TPH2: variants seen among roughly 807,000 people sequenced by gnomAD.
TPH2 encodes the protein tryptophan hydroxylase 2.
In TPH2, 27 loss-of-function variants were observed where a neutral mutation model predicts 59.1. That is an observed-to-expected ratio of 0.46 (90% CI 0.34 to 0.63). The LOEUF (loss-of-function observed/expected upper bound fraction) is 0.63. Ranked by LOEUF, TPH2 falls within the 30% of genes least tolerant of loss-of-function variation. The pLI, the probability that TPH2 is intolerant of heterozygous loss-of-function variation, is 0.01. For synonymous variants in TPH2, 220 were observed against 210.5 expected, an observed-to-expected ratio of 1.05 and a Z score of -0.39; for missense variants, 523 against 588.3, an observed-to-expected ratio of 0.89 and a Z score of 1.15.
At chr12:71,976,905 A>T (rs1592394970) in intron 6 of TPH2, among the ~76,000 whole-genome samples, 1 of 152,332 alleles carries the variant, frequency 6.6e-6, no homozygotes, top group East Asian at 1.9e-4. Context: ...GCATTATCTC[A>T]TATGTGGAAT....
chr12:71,966,616 G>C (rs1871825897), intron 5 of TPH2, among the ~76,000 whole-genome samples: 1 of 152,158 alleles, frequency 6.6e-6, no homozygotes, highest in Non-Finnish European at 1.5e-5. Flanking sequence ...TAGTAAATGA[G>C]TTCATTCTTA....
intron 2 of TPH2, among the ~76,000 whole-genome samples, chr12:71,942,980 G>A (rs1871113611): frequency 6.6e-6 from 1 of 152,126 alleles, no homozygotes; most frequent in Non-Finnish European, 1.5e-5. Context: ...CCATCAGCTA[G>A]TCACGGGGCC....
Position 71,944,598 on chromosome 12 carries a change from T to C in TPH2, c.452T>C (p.Val151Ala). The C allele has an allele frequency of 6.2e-7, 1 of 1,613,992 alleles. No individual in the cohort carries two copies. Among genetic ancestry groups the C allele is most frequent in the Non-Finnish European group, 8.5e-7 (1 of 1,179,862 alleles). The change falls in exon 4 of 11, where the codon GTG (valine) becomes GCG (alanine). Residue 151 changes from valine (V) to alanine (A), a missense_variant. Physicochemically the swap from Val to Ala is moderately conservative, Grantham distance 64. Coordinates refer to ENST00000333850, the MANE Select transcript of TPH2 (RefSeq NM_173353.4). ...CTGTTTTCAACAGAGCTAGAGGATG[T>C]GCCCTGGTTCCCTCGGAAGATCTCT... Reference protein sequence around the residue: ...IWTEEEELEDVPWFPRKISEL... With the variant: ...IWTEEEELEDAPWFPRKISEL...
chr12:72,016,724 C>T lies in TPH2; in HGVS notation c.1069-5675C>T, dbSNP rs555802499. On this transcript the variant is annotated intron_variant, in intron 8 of 10. Coordinates refer to ENST00000333850, the MANE Select transcript of TPH2 (RefSeq NM_173353.4). ...TGCAAGATCAAATTTTTAGGGAAGG[C>T]GATAGGGAAAATATATCACTCAGTC... is the stretch of plus-strand genomic sequence containing the variant. Among the ~76,000 whole-genome samples the T allele has an allele frequency of 1.3e-4, 20 of 152,112 alleles. No homozygotes were observed. In the South Asian group the frequency reaches 3.3e-3, roughly 25 times the overall value.
rs546704983 is a variant in TPH2, at chr12:72,002,794, T to A, written c.1068+8229T>A. Among the ~76,000 whole-genome samples the A allele has an allele frequency of 2.6e-5, 4 of 152,118 alleles. No individual in the cohort carries two copies. In the South Asian group the frequency reaches 8.3e-4, roughly 32 times the overall value. On this transcript the variant is annotated intron_variant, in intron 8 of 10. Transcript: ENST00000333850. Reference sequence around the variant, plus strand: ...TTGCAGGAAAGAAGTGTCAGGAAATTAATAATACAGGGTTCTGTTTGTACT... The same window carrying A: ...TTGCAGGAAAGAAGTGTCAGGAAATAAATAATACAGGGTTCTGTTTGTACT...
At position 71,939,102 on chromosome 12, in the gene TPH2, C is replaced by A. The variant is rs1870981578; in HGVS notation, c.105+11C>A. 1.9e-6 allele frequency: 3 copies of A among 1,598,332 alleles called. No homozygotes were observed. Among genetic ancestry groups the A allele is most frequent in the Non-Finnish European group, 2.6e-6 (3 of 1,166,144 alleles). Reference sequence around the variant, plus strand: ...CTTGGCAGCTCAACAGTGAGTACTACGTACCTGGCACTATGGAGAATTATT... The same window carrying A: ...CTTGGCAGCTCAACAGTGAGTACTAAGTACCTGGCACTATGGAGAATTATT... On this transcript the variant is annotated intron_variant, in intron 1 of 10. Coordinates refer to ENST00000333850, the MANE Select transcript of TPH2 (RefSeq NM_173353.4).
Position 71,941,577 on chromosome 12 carries a change from C to G in TPH2, c.106-7C>G. ...TTTTGTTTTATTATGCTTCGACATT[C>G]CTGAAGCTAAATAAACCTAACTCTG... On this transcript the variant is annotated splice_polypyrimidine_tract_variant and splice_region_variant and intron_variant, in intron 1 of 10. Transcript: ENST00000333850. The G allele has an allele frequency of 6.2e-7, 1 of 1,613,482 alleles. No individual in the cohort carries two copies. Among genetic ancestry groups the G allele is most frequent in the Non-Finnish European group, 8.5e-7 (1 of 1,179,750 alleles).
At chr12:71,949,783 C>T (rs1235350753) in intron 5 of TPH2, 128 bp downstream of exon 5, 2 of 752,058 alleles carry the variant, frequency 2.7e-6, no homozygotes, top group Admixed American at 2.0e-5. Context: ...TAAACACTCA[C>T]CAACTCTGTA....
intron 5 of TPH2, among the ~76,000 whole-genome samples, chr12:71,951,799 G>A (rs1479417485): frequency 2.0e-5 from 3 of 152,082 alleles, no homozygotes; most frequent in African/African-American, 2.4e-5. Flanking sequence ...GCTGAGGCAG[G>A]CAGATCACCT....
chr12:71,992,992 T>C (rs1189082840), intron 7 of TPH2, among the ~76,000 whole-genome samples: 1 of 152,246 alleles, frequency 6.6e-6, no homozygotes, highest in Non-Finnish European at 1.5e-5. Flanking sequence ...ACAAATTCAG[T>C]TCAGTTCATG....
intron 8 of TPH2, among the ~76,000 whole-genome samples, chr12:71,999,062 A>G (rs893341443): frequency 3.3e-5 from 5 of 152,232 alleles, no homozygotes; most frequent in Admixed American, 3.3e-4. Flanking sequence ...CCATCTAAAG[A>G]AGAAAACCAC....
intron 7 of TPH2, among the ~76,000 whole-genome samples, chr12:71,991,593 G>C (rs1372139147): frequency 1.3e-5 from 2 of 152,258 alleles, no homozygotes; most frequent in East Asian, 3.9e-4. Flanking sequence ...AGCCACAATG[G>C]AGGTTTTCAG....
At chr12:71,967,431 C>G (rs560532965) in intron 5 of TPH2, among the ~76,000 whole-genome samples, 1 of 152,314 alleles carries the variant, frequency 6.6e-6, no homozygotes, top group East Asian at 1.9e-4. Flanking sequence ...ACCATCTTAG[C>G]TTCTTTCTAG....
At chr12:72,010,130 G>T (rs1383599779) in intron 8 of TPH2, among the ~76,000 whole-genome samples, 1 of 152,198 alleles carries the variant, frequency 6.6e-6, no homozygotes, top group Non-Finnish European at 1.5e-5. Context: ...TCAAGTAAAT[G>T]GCAGAGCATG....
At chr12:71,976,093 G>A (rs1181630177) in intron 6 of TPH2, among the ~76,000 whole-genome samples, 2 of 152,186 alleles carry the variant, frequency 1.3e-5, no homozygotes, top group African/African-American at 4.8e-5. Context: ...TCCCCACTCT[G>A]CCCCTTCCTA....
intron 8 of TPH2, among the ~76,000 whole-genome samples, chr12:71,997,403 A>T (rs1303849443): frequency 6.6e-6 from 1 of 152,148 alleles, no homozygotes; most frequent in African/African-American, 2.4e-5. Context: ...TCTTTATGGG[A>T]TCATTATTCT....
At chr12:72,019,532 T>C (rs1453362382) in intron 8 of TPH2, among the ~76,000 whole-genome samples, 1 of 152,220 alleles carries the variant, frequency 6.6e-6, no homozygotes, top group Non-Finnish European at 1.5e-5. Flanking sequence ...GCTTAAACAA[T>C]ACCCCTTCAC....
Position 72,032,240 on chromosome 12 carries a change from A to G in TPH2, c.*545A>G, listed in dbSNP as rs1329557456. On this transcript the variant is annotated 3_prime_UTR_variant, in exon 11 of 11. Transcript: ENST00000333850. Reference sequence around the variant, plus strand: ...AGTTGGAATGATTTTTAGGTTGAGTATTTACACAATGCAAGAAAACACCTT... The same window carrying G: ...AGTTGGAATGATTTTTAGGTTGAGTGTTTACACAATGCAAGAAAACACCTT... 2 of 165,688 alleles carry G rather than the reference A, an allele frequency of 1.2e-5. No individual in the cohort carries two copies. The highest frequency in any genetic ancestry group is 5.7e-5 in the Admixed American group (1 of 17,500). 10.3% of individuals were successfully genotyped at this position (165,688 alleles called of 1,614,324 possible). A position where few individuals can be genotyped will look rare whatever the true frequency, so the allele number is the denominator to read the frequency against.
intron 5 of TPH2, among the ~76,000 whole-genome samples, chr12:71,969,097 C>A: frequency 6.6e-6 from 1 of 152,168 alleles, no homozygotes; most frequent in Non-Finnish European, 1.5e-5. Flanking sequence ...TCTTGGCTAA[C>A]ACGGTGAAAC....
Sources: allele counts gnomAD v4.1 joint callset (sites outside exome capture counted in the v4.1 genomes callset), GRCh38; gene constraint gnomAD v4.1.1; transcripts MANE v1.5; gene names NCBI Gene and HGNC (gene_info 2026-07-23, HGNC 2026-07-21).